Variants in CPLANE2 observed in about 807,000 individuals in gnomAD.
CPLANE2 encodes the protein ciliogenesis and planar polarity effector complex subunit 2, also known as ciliogenesis and planar polarity effector 2.
Under a neutral mutation model 20.9 loss-of-function variants are expected in CPLANE2, and 24 were observed. The ratio of observed to expected loss-of-function variants is 1.15; its 90% CI spans 0.83 to 1.61. The LOEUF (loss-of-function observed/expected upper bound fraction) is 1.61. Among genes scored for constraint, CPLANE2 ranks in the 40% most tolerant of loss-of-function variants. The probability of loss-of-function intolerance (pLI) is 0.00; values close to 1 mark genes in which losing one functional copy is unlikely to be tolerated. For missense variants in CPLANE2, 330 were observed against 355.1 expected (o/e 0.93, Z 0.57); for synonymous variants, 132 against 144.3 (o/e 0.92, Z 0.61).
intron 4 of CPLANE2, 22 bp downstream of exon 4, chr1:16,232,488 G>A: frequency 6.2e-7 from 1 of 1,611,660 alleles, no homozygotes; most frequent in South Asian, 1.1e-5. Flanking sequence ...TCCGTGACTT[G>A]CCAAGGATAT....
chr1:16,232,381 C>T, intron 4 of CPLANE2, 84 bp from the exon 5 acceptor site: 1 of 1,528,024 alleles, frequency 6.5e-7, no homozygotes, highest in Middle Eastern at 1.9e-4. Context: ...CTGGAGCCCA[C>T]ACCCAGGAGC....
chr1:16,232,119 C>CA lies in CPLANE2; in HGVS notation c.705dup (p.Glu236Ter). On this transcript the variant is annotated frameshift_variant, in exon 5 of 5. Coordinates refer to ENST00000375599, the MANE Select transcript of CPLANE2 (RefSeq NM_030907.4). LOFTEE classifies it high-confidence loss of function. ...ACCTGGTCCTGGTGCCACAGCTGCT[C>CA]AGCAAGGCCATTGAGTATGTGGGCA... 6.2e-7 allele frequency: 1 copy of CA among 1,613,540 alleles called. No individual in the cohort carries two copies.
chr1:16,231,874 C>A lies in CPLANE2; in HGVS notation c.*174G>T, dbSNP rs568676506. ...CAGGGCCTTGGTCCCCACCTCCCTG[C>A]CATGAATTCTGCAAGGAAAGCGCTG... On this transcript the variant is annotated 3_prime_UTR_variant, in exon 5 of 5. Transcript: ENST00000375599. 2.8e-5 allele frequency: 26 copies of A among 931,436 alleles called. No individual in the cohort carries two copies. The highest frequency in any genetic ancestry group is 3.9e-5 in the Non-Finnish European group (25 of 634,760). 57.7% of individuals were successfully genotyped at this position (931,436 alleles called of 1,614,324 possible).
intron 3 of CPLANE2, 37 bp from the exon 4 acceptor site, chr1:16,232,683 A>G (rs2081431861): frequency 6.2e-7 from 1 of 1,611,732 alleles, no homozygotes; most frequent in Admixed American, 1.7e-5. Flanking sequence ...GTCACCCCCC[A>G]TCAGCTGCAG....
At chr1:16,232,418 G>A (rs1435314291) in intron 4 of CPLANE2, 92 bp downstream of exon 4, 1 of 1,555,188 alleles carries the variant, frequency 6.4e-7, no homozygotes, top group Non-Finnish European at 8.7e-7. Flanking sequence ...TACCCTTTAA[G>A]TAAAAGCCCA....
chr1:16,232,196 C>G lies in CPLANE2; in HGVS notation c.629G>C (p.Arg210Pro). The change falls in exon 5 of 5, where the codon CGG becomes CCG. Residue 210 changes from arginine (R) to proline (P), a missense_variant. Physicochemically the swap from Arg to Pro is moderately radical, Grantham distance 103. Transcript: ENST00000375599. ...PLLRVKSVPG[R>P]RLADGRTLDG... The stretch of plus-strand genomic sequence containing the variant: ...CAGTGTGCGCCCATCAGCCAGCCGC[C>G]GCCCCGGCACACTCTTCACCCGTAG... 1.2e-6 allele frequency: 2 copies of G among 1,612,808 alleles called. No homozygotes were observed. The highest frequency in any genetic ancestry group is 2.2e-5 in the South Asian group (2 of 91,038).
Position 16,236,806 on chromosome 1 carries a change from G to T in CPLANE2, c.-64C>A. On this transcript the variant is annotated 5_prime_UTR_variant, in exon 1 of 5. Coordinates refer to ENST00000375599, the MANE Select transcript of CPLANE2 (RefSeq NM_030907.4). ...CTGAGAGCAGGGAGTGGGAAGGGGA[G>T]TGACAGTACCAAGCCGGGCCTGTGA... The T allele has an allele frequency of 8.0e-7, 1 of 1,246,954 alleles. No individual in the cohort carries two copies. The highest frequency in any genetic ancestry group is 1.1e-6 in the Non-Finnish European group (1 of 871,490). 77.2% of individuals were successfully genotyped at this position (1,246,954 alleles called of 1,614,324 possible). A position where few individuals can be genotyped will look rare whatever the true frequency, so the allele number is the denominator to read the frequency against.
chr1:16,236,146 G>T (rs2081464189), intron 1 of CPLANE2, among the ~76,000 whole-genome samples: 1 of 152,204 alleles, frequency 6.6e-6, no homozygotes, highest in Admixed American at 6.5e-5. Flanking sequence ...AGGCACCTCT[G>T]CCGGCCTGAC....
At chr1:16,233,866 T>A (rs1460360343) in intron 1 of CPLANE2, 102 bp from the exon 2 acceptor site, 1 of 1,289,150 alleles carries the variant, frequency 7.8e-7, no homozygotes, top group East Asian at 2.4e-5. Flanking sequence ...GCACCAGTGT[T>A]AGGAAGTGGG....
rs1034583622 is a variant in CPLANE2, at chr1:16,233,797, G to A, written c.113-33C>T. 2.5e-6 allele frequency: 4 copies of A among 1,612,706 alleles called. No homozygotes were observed. The African/African-American group carries it at 4.0e-5, about 16-fold the overall frequency. On this transcript the variant is annotated intron_variant, in intron 1 of 4. Transcript: ENST00000375599. Reference sequence around the variant, plus strand: ...AAAGAGAGAGCCAGGCAGGGTCAAGGGGTGCTGTGGTTTGAAGGTGTCCCC... The same window carrying A: ...AAAGAGAGAGCCAGGCAGGGTCAAGAGGTGCTGTGGTTTGAAGGTGTCCCC...
chr1:16,232,097 T>C lies in CPLANE2; in HGVS notation c.728A>G (p.Gln243Arg). The change falls in exon 5 of 5, where the codon CAG becomes CGG. Residue 243 changes from glutamine to arginine, a missense_variant. Gln to Arg is a conservative substitution (Grantham distance 43). Transcript: ENST00000375599. ...GTTGGGAAGCAGGCCAGCCGCCACC[T>C]GGTCCTGGTGCCACAGCTGCTCAGC... is the stretch of plus-strand genomic sequence containing the variant. Reference protein sequence around the residue: ...GLAEQLWHQDQVAAGLLPNPP... With the variant: ...GLAEQLWHQDRVAAGLLPNPP... The C allele has an allele frequency of 6.2e-7, 1 of 1,613,462 alleles. No homozygotes were observed. The highest frequency in any genetic ancestry group is 8.5e-7 in the Non-Finnish European group (1 of 1,179,988).
At chr1:16,234,123 G>A (rs1475158891) in intron 1 of CPLANE2, among the ~76,000 whole-genome samples, 2 of 152,116 alleles carry the variant, frequency 1.3e-5, no homozygotes, top group Non-Finnish European at 2.9e-5. Flanking sequence ...GAGGAGGCCT[G>A]GTGCGGTGGC....
chr1:16,235,779 C>T (rs770433891), intron 1 of CPLANE2, among the ~76,000 whole-genome samples: 2 of 144,064 alleles, frequency 1.4e-5, no homozygotes, highest in Non-Finnish European at 3.0e-5. Context: ...CTTCTGTGTT[C>T]AAGCGATTCT....
At chr1:16,234,740 G>GT (rs1419579560) in intron 1 of CPLANE2, among the ~76,000 whole-genome samples, 36 of 150,298 alleles carry the variant, frequency 2.4e-4, no homozygotes, top group South Asian at 1.1e-3. Context: ...GTTCTTTTTT[G>GT]TTTTTTTTTG....
At chr1:16,236,429 G>A (rs2081466172) in intron 1 of CPLANE2, among the ~76,000 whole-genome samples, 1 of 152,240 alleles carries the variant, frequency 6.6e-6, no homozygotes, top group African/African-American at 2.4e-5. Flanking sequence ...TGGCTCTGAC[G>A]ATGGAATTAG....
chr1:16,235,675 GTCT>G (rs1368130139), intron 1 of CPLANE2, among the ~76,000 whole-genome samples: 4 of 142,104 alleles, frequency 2.8e-5, no homozygotes, highest in African/African-American at 1.1e-4. Flanking sequence ...ATATTAGAGG[GTCT>G]TTTTTTTTTT....
chr1:16,231,858 G>A lies in CPLANE2; in HGVS notation c.*190C>T. 3 of 786,448 alleles carry A rather than the reference G, an allele frequency of 3.8e-6. No individual in the cohort carries two copies. The highest frequency in any genetic ancestry group is 5.9e-6 in the Non-Finnish European group (3 of 507,582). 48.7% of individuals were successfully genotyped at this position (786,448 alleles called of 1,614,324 possible). On this transcript the variant is annotated 3_prime_UTR_variant, in exon 5 of 5. Transcript: ENST00000375599. Reference sequence around the variant, plus strand: ...GGGAGATGTTCGAGCTCAGGGCCTTGGTCCCCACCTCCCTGCCATGAATTC... The same window carrying A: ...GGGAGATGTTCGAGCTCAGGGCCTTAGTCCCCACCTCCCTGCCATGAATTC...
intron 1 of CPLANE2, among the ~76,000 whole-genome samples, chr1:16,235,915 A>G (rs2081461730): frequency 6.6e-6 from 1 of 152,162 alleles, no homozygotes; most frequent in African/African-American, 2.4e-5. Flanking sequence ...TCCTGACCTC[A>G]GGTGATTTGC....
At chr1:16,233,802 C>T in intron 1 of CPLANE2, 38 bp from the exon 2 acceptor site, 1 of 1,612,190 alleles carries the variant, frequency 6.2e-7, no homozygotes, top group Non-Finnish European at 8.5e-7. Context: ...TCAAGGGGTG[C>T]TGTGGTTTGA....
Sources: allele counts gnomAD v4.1 joint callset (sites outside exome capture counted in the v4.1 genomes callset), GRCh38; gene constraint gnomAD v4.1.1; transcripts MANE v1.5; gene names NCBI Gene and HGNC (gene_info 2026-07-23, HGNC 2026-07-21).